BAK1: variants seen among roughly 807,000 people sequenced by gnomAD.
BAK1 encodes the protein bcl-2 homologous antagonist/killer.
A neutral mutation model predicts 24.7 loss-of-function variants in BAK1; 19 were observed. The ratio of observed to expected loss-of-function variants is 0.77; its 90% CI spans 0.54 to 1.13. The LOEUF is 1.13. Ranked by LOEUF, BAK1 falls within the 50% of genes most tolerant of loss-of-function variation. The probability of loss-of-function intolerance (pLI) is 0.00; values close to 1 mark genes in which losing one functional copy is unlikely to be tolerated. For synonymous variants in BAK1, 86 were observed against 107.3 expected (o/e 0.80, Z 1.23); for missense variants, 194 against 279.4 (o/e 0.69, Z 2.18).
chr6:33,577,385 C>T lies in BAK1; in HGVS notation c.70+150G>A. 1 of 774,408 alleles carries T rather than the reference C, an allele frequency of 1.3e-6. No homozygotes were observed. Among genetic ancestry groups the T allele is most frequent in the Non-Finnish European group, 2.0e-6 (1 of 505,672 alleles). The allele number at this position is 774,408 out of a possible 1,614,324, so 48.0% of individuals were successfully genotyped here. A position where few individuals can be genotyped will look rare whatever the true frequency, so the allele number is the denominator to read the frequency against. On this transcript the variant is annotated intron_variant, in intron 2 of 5. Coordinates refer to ENST00000374467, the MANE Select transcript of BAK1 (RefSeq NM_001188.4). The surrounding 1 kb of genome is among the most constrained non-coding windows in gnomAD (Gnocchi z 4.6). Reference sequence around the variant, plus strand: ...CTCCTGGGCTTAACCTTGACAGCAGCTCCAGCCTCTGAGCCCGTGGGTGGG... The same window carrying T: ...CTCCTGGGCTTAACCTTGACAGCAGTTCCAGCCTCTGAGCCCGTGGGTGGG...
chr6:33,574,219 G>A lies in BAK1; in HGVS notation c.351-5C>T, dbSNP rs755026681. 2 of 1,612,226 alleles carry A rather than the reference G, an allele frequency of 1.2e-6. No individual in the cohort carries two copies. Among genetic ancestry groups the A allele is most frequent in the Non-Finnish European group, 8.5e-7 (1 of 1,178,578 alleles). On this transcript the variant is annotated splice_polypyrimidine_tract_variant and splice_region_variant and intron_variant, in intron 4 of 5. Transcript: ENST00000374467. ...TTGATGCCACTCTCAAACAGGCTGT[G>A]GGCAGAGCATCCCATAGCATTGGTG...
At chr6:33,576,913 A>G (rs1340791667) in intron 2 of BAK1, among the ~76,000 whole-genome samples, 1 of 152,198 alleles carries the variant, frequency 6.6e-6, no homozygotes, top group Non-Finnish European at 1.5e-5. Context: ...TCCTGAGTCT[A>G]CATTAGTACA....
At position 33,574,335 on chromosome 6, in the gene BAK1, C is replaced by G. The variant is rs780041633; in HGVS notation, c.351-121G>C. 2.0e-4 allele frequency: 285 copies of G among 1,447,930 alleles called. 1 individual carries two copies. Among genetic ancestry groups the G allele is most frequent in the Non-Finnish European group, 2.5e-4 (267 of 1,061,786 alleles). 89.7% of individuals were successfully genotyped at this position (1,447,930 alleles called of 1,614,324 possible). On this transcript the variant is annotated intron_variant, in intron 4 of 5. Coordinates refer to ENST00000374467, the MANE Select transcript of BAK1 (RefSeq NM_001188.4). ...ATAGCTTAGCTGTGAATTAAGGCCG[C>G]AGAGGCTGCCCCAACCTGGCCTGTA...
At position 33,575,132 on chromosome 6, in the gene BAK1, G is replaced by A. The variant is rs1762821508; in HGVS notation, c.350+166C>T. ...GCCCAAAATACAAGTCTGGGACCCC[G>A]AAAGAGAAAAATAGGGGGCCGAGAC... On this transcript the variant is annotated intron_variant, in intron 4 of 5. Transcript: ENST00000374467. This position sits in a 1 kb window ranked among gnomAD's most constrained non-coding sequence, Gnocchi z 6.3. 4 of 1,075,540 alleles carry A rather than the reference G, an allele frequency of 3.7e-6. No individual in the cohort carries two copies. Among genetic ancestry groups the A allele is most frequent in the East Asian group, 2.6e-5 (1 of 38,696 alleles). The allele number at this position is 1,075,540 out of a possible 1,614,324, so 66.6% of individuals were successfully genotyped here. A position where few individuals can be genotyped will look rare whatever the true frequency, so the allele number is the denominator to read the frequency against.
Position 33,575,803 on chromosome 6 carries a change from G to T in BAK1, c.196C>A (p.Gln66Lys). ...ADPEMVTLPLQPSSTMGQVGR... is the reference protein window; with the variant it reads ...ADPEMVTLPLKPSSTMGQVGR... ...GCGGTTGTAGCTCACCTGCTAGGTT[G>T]CAGAGGTAAGGTGACCATCTCTGGG... Residue 66 changes from glutamine to lysine, a missense_variant, in exon 3 of 6, where the codon CAA becomes AAA. Coordinates refer to ENST00000374467, the MANE Select transcript of BAK1 (RefSeq NM_001188.4). The surrounding 1 kb of genome is among the most constrained non-coding windows in gnomAD (Gnocchi z 6.3). 6.2e-7 allele frequency: 1 copy of T among 1,612,932 alleles called. No homozygotes were observed. The highest frequency in any genetic ancestry group is 2.2e-5 in the East Asian group (1 of 44,882).
rs549441758 is a variant in BAK1, at chr6:33,577,549, A to C, written c.56T>G (p.Leu19Arg). ...PPRQECGEPA[L>R]PSASEEQVAQ... is the part of the protein sequence containing the mutation. ...AAGACCCTTACCAGAAGCAGAGGGC[A>C]GGGCAGGCTCTCCGCACTCCTGCCT... Residue 19 changes from leucine to arginine, a missense_variant, in exon 2 of 6, where the codon CTG becomes CGG. By Grantham distance (102) the Leu-to-Arg change is moderately radical. Transcript: ENST00000374467. The surrounding 1 kb of genome is among the most constrained non-coding windows in gnomAD (Gnocchi z 4.6). 1.5e-5 allele frequency: 23 copies of C among 1,548,572 alleles called. No individual in the cohort carries two copies. In the African/African-American group the frequency reaches 3.1e-4, roughly 21 times the overall value.
At position 33,577,668 on chromosome 6, in the gene BAK1, G is replaced by A; in HGVS notation, c.-31-33C>T. 7.0e-7 allele frequency: 1 copy of A among 1,431,388 alleles called. No individual in the cohort carries two copies. The highest frequency in any genetic ancestry group is 2.1e-5 in the Admixed American group (1 of 48,090). The allele number at this position is 1,431,388 out of a possible 1,614,324, so 88.7% of individuals were successfully genotyped here. On this transcript the variant is annotated intron_variant, in intron 1 of 5. Coordinates refer to ENST00000374467, the MANE Select transcript of BAK1 (RefSeq NM_001188.4). This position sits in a 1 kb window ranked among gnomAD's most constrained non-coding sequence, Gnocchi z 4.6. ...GAAGGGCGAGAAAAAGCAGAGATGG[G>A]GGTGAGCACAGACCTGTGACTGGGG... is the stretch of plus-strand genomic sequence containing the variant.
chr6:33,578,916 C>A lies in BAK1; in HGVS notation c.-32+1109G>T, dbSNP rs1762891065. Among the ~76,000 whole-genome samples, 1 of 152,150 alleles carries A rather than the reference C, an allele frequency of 6.6e-6. No homozygotes were observed. The highest frequency in any genetic ancestry group is 6.5e-5 in the Admixed American group (1 of 15,282). ...CAGGGCCTGGGGACCTTCGCCCACC[C>A]TCCTTCCGCTAGGCCTGGGAGTGTT... On this transcript the variant is annotated intron_variant, in intron 1 of 5. Coordinates refer to ENST00000374467, the MANE Select transcript of BAK1 (RefSeq NM_001188.4). This position sits in a 1 kb window ranked among gnomAD's most constrained non-coding sequence, Gnocchi z 4.8.
At position 33,575,527 on chromosome 6, in the gene BAK1, G is replaced by A. The variant is rs990957567; in HGVS notation, c.207-86C>T. On this transcript the variant is annotated intron_variant, in intron 3 of 5. Coordinates refer to ENST00000374467, the MANE Select transcript of BAK1 (RefSeq NM_001188.4). The surrounding 1 kb of genome is among the most constrained non-coding windows in gnomAD (Gnocchi z 6.3). ...CTCATGGCAGAGGGGTTCTGCCTGA[G>A]CTGTCCATGGCCCTGTGCATCCCTT... is the stretch of plus-strand genomic sequence containing the variant. 55 of 1,553,886 alleles carry A rather than the reference G, an allele frequency of 3.5e-5. No individual in the cohort carries two copies. In the African/African-American group the frequency reaches 6.9e-4, roughly 20 times the overall value.
chr6:33,572,660 CT>C lies in BAK1; in HGVS notation c.*1142del, dbSNP rs1175645019. The stretch of plus-strand genomic sequence containing the variant: ...TGGCTGAATCAAGAACTTCTCCCCC[CT>C]GACCCCCAAGACCCTAGGCTGTGCC... On this transcript the variant is annotated 3_prime_UTR_variant, in exon 6 of 6. Transcript: ENST00000374467. 6.5e-6 allele frequency: 1 copy of C among 152,758 alleles called. No individual in the cohort carries two copies. The highest frequency in any genetic ancestry group is 1.5e-5 in the Non-Finnish European group (1 of 68,092). The allele number at this position is 152,758 out of a possible 1,614,324, so 9.5% of individuals were successfully genotyped here.
In BAK1 at chr6:33,575,196, A is replaced by G. The variant is rs1762822743; in HGVS notation, c.350+102T>C. The stretch of plus-strand genomic sequence containing the variant: ...ACAGCAGACATTGGACACTGACAGA[A>G]GGCTTCTCCCCATGCCAGGAGAGCA... On this transcript the variant is annotated intron_variant, in intron 4 of 5. Coordinates refer to ENST00000374467, the MANE Select transcript of BAK1 (RefSeq NM_001188.4). The surrounding 1 kb of genome is among the most constrained non-coding windows in gnomAD (Gnocchi z 6.3). The G allele has an allele frequency of 1.3e-6, 2 of 1,547,690 alleles. No individual in the cohort carries two copies. The highest frequency in any genetic ancestry group is 1.8e-6 in the Non-Finnish European group (2 of 1,121,422).
At chr6:33,574,305 G>A (rs1355884511) in intron 4 of BAK1, 91 bp from the exon 5 acceptor site, 2 of 1,510,110 alleles carry the variant, frequency 1.3e-6, no homozygotes, top group African/African-American at 2.8e-5. Context: ...CCAGCTGGAA[G>A]CTAAATAGCT....
intron 2 of BAK1, among the ~76,000 whole-genome samples, chr6:33,576,377 T>A (rs944884037): frequency 2.4e-4 from 34 of 141,616 alleles, no homozygotes; most frequent in Admixed American, 5.9e-4. Context: ...ATGCCTGTAA[T>A]CCCAGCACTT....
At position 33,578,389 on chromosome 6, in the gene BAK1, G is replaced by T. The variant is rs115597569; in HGVS notation, c.-31-754C>A. 6.6e-6 allele frequency among the ~76,000 whole-genome samples: 1 copy of T among 152,140 alleles called. No homozygotes were observed. The highest frequency in any genetic ancestry group is 1.5e-5 in the Non-Finnish European group (1 of 68,018). ...GTGAGGCACAAAGAGTTGAGTGCCC[G>T]AGGTCACATCGTTAGTCACGGAAAG... On this transcript the variant is annotated intron_variant, in intron 1 of 5. Transcript: ENST00000374467. The surrounding 1 kb of genome is among the most constrained non-coding windows in gnomAD (Gnocchi z 4.8).
At chr6:33,576,052 G>A (rs1364546646) in intron 2 of BAK1, 124 bp from the exon 3 acceptor site, 1 of 1,427,302 alleles carries the variant, frequency 7.0e-7, no homozygotes, top group African/African-American at 1.4e-5. Context: ...ATCCCAACCA[G>A]GTGCGGTGGC....
rs777705035 is a variant in BAK1, at chr6:33,575,964, C to T, written c.71-36G>A. The T allele has an allele frequency of 8.7e-5, 141 of 1,612,716 alleles. No homozygotes were observed. Among genetic ancestry groups the T allele is most frequent in the Middle Eastern group, 1.6e-4 (1 of 6,082 alleles). On this transcript the variant is annotated intron_variant, in intron 2 of 5. Transcript: ENST00000374467. The surrounding 1 kb of genome is among the most constrained non-coding windows in gnomAD (Gnocchi z 6.3). ...AAGCTGGGAGTCAGGGAGAGAGGGC[C>T]GAACCCTGGCAGCCCCATGCCTTAT...
Position 33,577,563 on chromosome 6 carries a change from G to A in BAK1, c.42C>T (p.Cys14=), listed in dbSNP as rs2227925. 306,609 of 1,542,742 alleles carry A rather than the reference G, an allele frequency of 0.2. 29,566 individuals carry two copies. The highest frequency in any genetic ancestry group is 0.22 in the Non-Finnish European group (253,756 of 1,139,698). ...AAGCAGAGGGCAGGGCAGGCTCTCC[G>A]CACTCCTGCCTGGGAGGACCTGGGC... ...GQGPGPPRQE[C]GEPALPSASE... Residue 14 remains cysteine (C), a synonymous_variant, in exon 2 of 6, where the codon TGC becomes TGT. Transcript: ENST00000374467. This position sits in a 1 kb window ranked among gnomAD's most constrained non-coding sequence, Gnocchi z 4.6.
rs909423129 is a variant in BAK1 at position 33,578,617 on chromosome 6, G to C, written c.-31-982C>G. Among the ~76,000 whole-genome samples, 1 of 152,118 alleles carries C rather than the reference G, an allele frequency of 6.6e-6. No homozygotes were observed. The highest frequency in any genetic ancestry group is 1.5e-5 in the Non-Finnish European group (1 of 68,014). On this transcript the variant is annotated intron_variant, in intron 1 of 5. Transcript: ENST00000374467. The surrounding 1 kb of genome is among the most constrained non-coding windows in gnomAD (Gnocchi z 4.8). ...GGCCTTCTTTGAAGCCCCATAACCT[G>C]CCTCGTACTCCCACCACACACCTGG... is the stretch of plus-strand genomic sequence containing the variant.
At chr6:33,579,129 C>T (rs933439596) in intron 1 of BAK1, among the ~76,000 whole-genome samples, 1 of 152,180 alleles carries the variant, frequency 6.6e-6, no homozygotes, top group African/African-American at 2.4e-5. Context: ...TAGTGGCCCA[C>T]GAGGTCAGAA....
Sources: gnomAD v4.1 joint callset for allele counts (sites outside exome capture counted in the v4.1 genomes callset) on GRCh38, gnomAD v4.1.1 for gene constraint, Gnocchi (gnomAD v3.1) non-coding constraint, MANE v1.5 for transcripts, NCBI Gene and HGNC (gene_info 2026-07-23, HGNC 2026-07-21) for gene names.